The following MAGI1 variants were observed in gnomAD, a reference collection of about 807,000 sequenced individuals.
MAGI1 encodes membrane associated guanylate kinase, WW and PDZ domain containing 1, also known as membrane-associated guanylate kinase, WW and PDZ domain-containing protein 1.
In MAGI1, 58 loss-of-function variants were observed where a neutral mutation model predicts 139.9. The ratio of observed to expected loss-of-function variants is 0.41; its 90% CI spans 0.34 to 0.52. MAGI1 has a LOEUF of 0.52. Ranked by LOEUF, MAGI1 falls within the 20% of genes least tolerant of loss-of-function variation. The pLI, the probability that MAGI1 is intolerant of heterozygous loss-of-function variation, is 0.12. For missense variants in MAGI1, 1,874 were observed against 1,901.6 expected (o/e 0.99, Z 0.27); for synonymous variants, 812 against 737.9 (o/e 1.10, Z -1.63).
chr3:65,608,477 T>C (rs1252460078), intron 2 of MAGI1, among the ~76,000 whole-genome samples: 1 of 151,956 alleles, frequency 6.6e-6, no homozygotes, highest in African/African-American at 2.4e-5. Context: ...GGAAAAAGAC[T>C]TGAATAAAAA....
At chr3:65,433,960 G>T (rs902991496) in intron 10 of MAGI1, among the ~76,000 whole-genome samples, 2 of 152,130 alleles carry the variant, frequency 1.3e-5, no homozygotes, top group African/African-American at 2.4e-5. Context: ...TGGCTAGTGA[G>T]ACAGAAAAAC....
chr3:65,381,764 A>T, intron 16 of MAGI1, 113 bp downstream of exon 16: 1 of 966,038 alleles, frequency 1.0e-6, no homozygotes. Context: ...GAGCTTGATC[A>T]CATTTGCAAA....
chr3:65,527,465 C>T (rs778807561), intron 2 of MAGI1, among the ~76,000 whole-genome samples: 17 of 152,110 alleles, frequency 1.1e-4, no homozygotes, highest in Non-Finnish European at 2.4e-4. Flanking sequence ...GTGGCTCACA[C>T]CTGTAATCCC....
intron 2 of MAGI1, among the ~76,000 whole-genome samples, chr3:65,572,796 C>G (rs1226135688): frequency 1.3e-5 from 2 of 151,796 alleles, no homozygotes; most frequent in African/African-American, 4.8e-5. Flanking sequence ...GTCCAGGATT[C>G]AAGGTCAGAC....
chr3:65,935,956 G>GT (rs1261722374), intron 1 of MAGI1, among the ~76,000 whole-genome samples: 1 of 152,224 alleles, frequency 6.6e-6, no homozygotes, highest in Non-Finnish European at 1.5e-5. Flanking sequence ...CGGCAGATGA[G>GT]TAAGCCCAGG....
At chr3:65,974,258 C>A (rs1429019359) in intron 1 of MAGI1, among the ~76,000 whole-genome samples, 1 of 150,968 alleles carries the variant, frequency 6.6e-6, no homozygotes, top group Non-Finnish European at 1.5e-5. Flanking sequence ...AATAGTAGGC[C>A]CTCAAACATT....
At chr3:65,918,107 T>C (rs1303037499) in intron 1 of MAGI1, among the ~76,000 whole-genome samples, 2 of 150,476 alleles carry the variant, frequency 1.3e-5, no homozygotes, top group Non-Finnish European at 3.0e-5. Flanking sequence ...GTCTATTGTT[T>C]TTAAACAGCT....
At chr3:65,891,274 G>A (rs946877792) in intron 1 of MAGI1, among the ~76,000 whole-genome samples, 2 of 151,768 alleles carry the variant, frequency 1.3e-5, no homozygotes. Context: ...TATTCTAATG[G>A]GTTTGTAACA....
chr3:65,759,065 C>CAAAAAAAAAAAAAAAAAAAAAA (rs200497203), intron 1 of MAGI1, among the ~76,000 whole-genome samples: 3 of 73,084 alleles, frequency 4.1e-5, no homozygotes, highest in African/African-American at 1.6e-4. Flanking sequence ...AGGCCCAGTG[C>CAAAAAAAAAAAAAAAAAAAAAA]AAAAAAAAAA....
chr3:65,488,995 C>A (rs1951809416), intron 3 of MAGI1, among the ~76,000 whole-genome samples: 2 of 152,202 alleles, frequency 1.3e-5, no homozygotes, highest in South Asian at 4.1e-4. Flanking sequence ...TTTAATCTGC[C>A]TCACAAGACT....
At chr3:65,869,116 G>A (rs1356206317) in intron 1 of MAGI1, among the ~76,000 whole-genome samples, 2 of 151,178 alleles carry the variant, frequency 1.3e-5, no homozygotes, top group African/African-American at 2.4e-5. Flanking sequence ...TTAGCAGGGC[G>A]TGGTGGCAGG....
intron 2 of MAGI1, among the ~76,000 whole-genome samples, chr3:65,621,281 C>T (rs1211894688): frequency 2.0e-5 from 3 of 152,222 alleles, no homozygotes; most frequent in East Asian, 1.9e-4. Context: ...TACTTCACTA[C>T]AACGGAGCTG....
chr3:65,950,753 C>T (rs1365004891), intron 1 of MAGI1, among the ~76,000 whole-genome samples: 1 of 152,126 alleles, frequency 6.6e-6, no homozygotes, highest in Non-Finnish European at 1.5e-5. Context: ...GGAAAAGCTT[C>T]CCTTGAATCA....
intron 1 of MAGI1, among the ~76,000 whole-genome samples, chr3:65,919,732 G>C (rs1168823457): frequency 1.3e-5 from 2 of 149,928 alleles, no homozygotes; most frequent in East Asian, 3.9e-4. Flanking sequence ...TTAGAAAAAG[G>C]CAACGTTCCC....
chr3:65,800,452 C>A (rs1394569982), intron 1 of MAGI1, among the ~76,000 whole-genome samples: 1 of 151,952 alleles, frequency 6.6e-6, no homozygotes, highest in Non-Finnish European at 1.5e-5. Flanking sequence ...TAGAGGGAAA[C>A]CTTAGCAAAA....
At chr3:65,816,963 G>T (rs771783333) in intron 1 of MAGI1, among the ~76,000 whole-genome samples, 2 of 152,042 alleles carry the variant, frequency 1.3e-5, no homozygotes, top group African/African-American at 2.4e-5. Context: ...TAATGATAGC[G>T]GAATAATGGA....
chr3:65,778,203 G>A (rs952600676), intron 1 of MAGI1, among the ~76,000 whole-genome samples: 2 of 152,246 alleles, frequency 1.3e-5, no homozygotes, highest in Admixed American at 1.3e-4. Flanking sequence ...GCCAAGGCTG[G>A]CGGATCACCT....
rs1017842743 is a variant in MAGI1 at position 65,379,503 on chromosome 3, C to G, written c.2753G>C (p.Ser918Thr). 2.2e-5 allele frequency: 36 copies of G among 1,613,718 alleles called. No individual in the cohort carries two copies. The highest frequency in any genetic ancestry group is 2.9e-5 in the Non-Finnish European group (34 of 1,179,822). The change falls in exon 17 of 23, where the codon AGC becomes ACC. Residue 918 changes from serine (S) to threonine (T), a missense_variant. Around this residue, in one of 5 missense-constraint regions of MAGI1, gnomAD observed 482 missense variants for 509.6 expected, o/e 0.95. Transcript: ENST00000402939. ...VPSPASSHHS[S>T]NQPASLTEEK... ...TTCTGTCAGCGAGGCCGGCTGGTTG[C>G]TACTGTGATGAGAGGAGGCTGGCGA...
chr3:65,612,843 C>A (rs1162154623), intron 2 of MAGI1, among the ~76,000 whole-genome samples: 3 of 152,088 alleles, frequency 2.0e-5, no homozygotes, highest in Non-Finnish European at 2.9e-5. Context: ...GGTAAGGATA[C>A]TGTGAAAACT....
Sources: allele counts gnomAD v4.1 joint callset (sites outside exome capture counted in the v4.1 genomes callset), GRCh38; gene constraint gnomAD v4.1.1; regional missense constraint gnomAD v4.1.1; transcripts MANE v1.5; gene names NCBI Gene and HGNC (gene_info 2026-07-23, HGNC 2026-07-21).